Variants in SLC25A17 observed in about 807,000 individuals in gnomAD.
SLC25A17 encodes the protein peroxisomal membrane protein PMP34.
A neutral mutation model predicts 38.5 loss-of-function variants in SLC25A17; 26 were observed. That is an observed-to-expected ratio of 0.68 (90% CI 0.50 to 0.94). The LOEUF is 0.94. SLC25A17 is among the 40% of genes least tolerant of loss of function. SLC25A17 has a pLI of 0.00. For missense variants in SLC25A17, 333 were observed against 372.7 expected, an observed-to-expected ratio of 0.89 and a Z score of 0.88; for synonymous variants, 139 against 136.2, an observed-to-expected ratio of 1.02 and a Z score of -0.14.
intron 1 of SLC25A17, among the ~76,000 whole-genome samples, chr22:40,805,531 T>C (rs549651813): frequency 1.3e-5 from 2 of 152,262 alleles, no homozygotes; most frequent in South Asian, 4.1e-4. Flanking sequence ...AGCACACATG[T>C]CCAACCTTTT....
At chr22:40,776,024 T>TA (rs959738239) in intron 7 of SLC25A17, among the ~76,000 whole-genome samples, 18 of 152,208 alleles carry the variant, frequency 1.2e-4, no homozygotes, top group Admixed American at 1.1e-3. Context: ...TCTGCCCCAC[T>TA]AGGGCCTTAC....
chr22:40,814,618 C>G (rs2057616299), intron 1 of SLC25A17, among the ~76,000 whole-genome samples: 1 of 151,976 alleles, frequency 6.6e-6, no homozygotes, highest in Non-Finnish European at 1.5e-5. Flanking sequence ...TGAAAAGACA[C>G]AAATGTGTGT....
intron 1 of SLC25A17, among the ~76,000 whole-genome samples, chr22:40,811,483 G>A (rs1450856224): frequency 6.6e-6 from 1 of 151,674 alleles, no homozygotes; most frequent in Non-Finnish European, 1.5e-5. Flanking sequence ...AGGCTGGAGT[G>A]CAGTGGTGCA....
At position 40,794,617 on chromosome 22, in the gene SLC25A17, TA is replaced by T. The variant is rs202241799; in HGVS notation, c.116-38del. 7,700 of 1,403,214 alleles carry T rather than the reference TA, an allele frequency of 5.5e-3. 19 individuals carry two copies. Among genetic ancestry groups the T allele is most frequent in the Non-Finnish European group, 6.4e-3 (6,553 of 1,029,202 alleles). 86.9% of individuals were successfully genotyped at this position (1,403,214 alleles called of 1,614,324 possible). On this transcript the variant is annotated intron_variant, in intron 2 of 8. Coordinates refer to ENST00000435456, the MANE Select transcript of SLC25A17 (RefSeq NM_006358.4). ...AACAGTGCATGTTTATTTTATTAAT[TA>T]AAAAAAAAATTTTTTTTTTGAGACA... is the stretch of plus-strand genomic sequence containing the variant.
chr22:40,788,952 G>GA, intron 4 of SLC25A17: 1 of 317,970 alleles, frequency 3.1e-6, no homozygotes, highest in South Asian at 3.8e-5. Flanking sequence ...AGCCAACAAC[G>GA]GCCACACTCA....
At chr22:40,778,033 G>C (rs540747543) in intron 5 of SLC25A17, among the ~76,000 whole-genome samples, 2 of 152,082 alleles carry the variant, frequency 1.3e-5, no homozygotes, top group Non-Finnish European at 2.9e-5. Context: ...GAAAAGATAA[G>C]ATCGTTTCCT....
In SLC25A17 at chr22:40,774,013, G is replaced by A. The variant is rs1427831258; in HGVS notation, c.700C>T (p.Arg234Cys). The A allele has an allele frequency of 4.4e-6, 7 of 1,607,576 alleles. No homozygotes were observed. The highest frequency in any genetic ancestry group is 2.2e-5 in the East Asian group (1 of 44,842). Residue 234 changes from arginine to cysteine, a missense_variant, in exon 8 of 9, where the codon CGT (arginine) becomes TGT (cysteine). By Grantham distance (180) the Arg-to-Cys change is radical. Transcript: ENST00000435456. Reference sequence around the variant, plus strand: ...CTGTTTTCTGGGTTTAGTCTATGACGCCCAAACTGAGGAAAGAGGGAAAAA... The same window carrying A: ...CTGTTTTCTGGGTTTAGTCTATGACACCCAAACTGAGGAAAGAGGGAAAAA... ...QTVQSILRFGRHRLNPENRTL... is the reference protein window; with the variant it reads ...QTVQSILRFGCHRLNPENRTL...
In SLC25A17 at chr22:40,789,169, G is replaced by T; in HGVS notation, c.334+3356C>A. The T allele has an allele frequency of 3.8e-6, 1 of 259,922 alleles. No individual in the cohort carries two copies. The highest frequency in any genetic ancestry group is 1.0e-4 in the East Asian group (1 of 9,624). The allele number at this position is 259,922 out of a possible 1,614,324, so 16.1% of individuals were successfully genotyped here. Reference sequence around the variant, plus strand: ...CACTTGCTCAGGAAAATTAGCTGTGGGGGATGCCCAGCTGCTTGTAGCCAC... The same window carrying T: ...CACTTGCTCAGGAAAATTAGCTGTGTGGGATGCCCAGCTGCTTGTAGCCAC... On this transcript the variant is annotated intron_variant, in intron 4 of 8. Transcript: ENST00000435456. The surrounding 1 kb of genome is among the most constrained non-coding windows in gnomAD (Gnocchi z 4.5).
intron 1 of SLC25A17, 150 bp downstream of exon 1, chr22:40,819,045 A>G (rs1298992188): frequency 2.5e-6 from 2 of 784,452 alleles, no homozygotes; most frequent in East Asian, 2.7e-5. Flanking sequence ...CTTTCCGCCA[A>G]TGGCCCATTC....
intron 2 of SLC25A17, among the ~76,000 whole-genome samples, chr22:40,795,354 G>A (rs949292010): frequency 1.1e-4 from 17 of 151,714 alleles, no homozygotes; most frequent in African/African-American, 3.4e-4. Context: ...GTGCAGCGGC[G>A]TGATCTCGGC....
intron 7 of SLC25A17, 53 bp downstream of exon 7, chr22:40,776,987 T>C (rs369738033): frequency 7.2e-7 from 1 of 1,396,304 alleles, no homozygotes; most frequent in Non-Finnish European, 1.0e-6. Flanking sequence ...ATCAAGAGAC[T>C]ACATGTATTC....
chr22:40,784,459 A>C (rs988259684), intron 4 of SLC25A17: 1 of 154,448 alleles, frequency 6.5e-6, no homozygotes, highest in East Asian at 1.9e-4. Flanking sequence ...AATAAAAATA[A>C]ATATTCTTTT....
At chr22:40,816,999 C>T (rs1332020109) in intron 1 of SLC25A17, among the ~76,000 whole-genome samples, 4 of 152,212 alleles carry the variant, frequency 2.6e-5, no homozygotes, top group African/African-American at 9.7e-5. Context: ...CCTAGAACAG[C>T]GTGTGGCACA....
chr22:40,788,810 C>T (rs73887874), intron 4 of SLC25A17: 4,581 of 238,030 alleles, frequency 0.019, 221 homozygotes, highest in African/African-American at 0.1. Flanking sequence ...TTTTAGAAAC[C>T]TGGAAGAAAT....
intron 1 of SLC25A17, among the ~76,000 whole-genome samples, chr22:40,805,742 T>C (rs1377792852): frequency 6.6e-6 from 1 of 152,116 alleles, no homozygotes; most frequent in Non-Finnish European, 1.5e-5. Flanking sequence ...CAAAAAGGAA[T>C]ACAGCTCTGC....
intron 7 of SLC25A17, among the ~76,000 whole-genome samples, chr22:40,776,827 C>T (rs1180982493): frequency 6.6e-6 from 1 of 151,688 alleles, no homozygotes; most frequent in South Asian, 2.1e-4. Context: ...CCTAGGAGGT[C>T]GAGGGTATAG....
In SLC25A17 at chr22:40,770,798, CTT is replaced by C. The variant is rs2057173916; in HGVS notation, c.*34_*35del. 3.2e-6 allele frequency: 5 copies of C among 1,577,382 alleles called. No individual in the cohort carries two copies. Among genetic ancestry groups the C allele is most frequent in the South Asian group, 2.3e-5 (2 of 87,456 alleles). ...TCTTCACTCAGGAGGAAACCTCCCT[CTT>C]GAGCATCTTCGGAATTTTTCATGGG... On this transcript the variant is annotated 3_prime_UTR_variant, in exon 9 of 9. Coordinates refer to ENST00000435456, the MANE Select transcript of SLC25A17 (RefSeq NM_006358.4).
At chr22:40,807,154 A>C (rs1371938950) in intron 1 of SLC25A17, among the ~76,000 whole-genome samples, 1 of 152,214 alleles carries the variant, frequency 6.6e-6, no homozygotes, top group Non-Finnish European at 1.5e-5. Flanking sequence ...TTTTGGAATG[A>C]GATAGAGGTG....
At chr22:40,816,804 T>C (rs923446610) in intron 1 of SLC25A17, among the ~76,000 whole-genome samples, 13 of 151,806 alleles carry the variant, frequency 8.6e-5, no homozygotes, top group Non-Finnish European at 1.6e-4. Context: ...AGAGACGGGG[T>C]TTCACCATGT....
Sources: gnomAD v4.1 joint callset for allele counts (sites outside exome capture counted in the v4.1 genomes callset) on GRCh38, gnomAD v4.1.1 for gene constraint, Gnocchi (gnomAD v3.1) non-coding constraint, MANE v1.5 for transcripts, NCBI Gene and HGNC (gene_info 2026-07-23, HGNC 2026-07-21) for gene names.